Variants in TTN observed in about 807,000 individuals in gnomAD.
TTN encodes titin, also known as connectin.
A neutral mutation model predicts 3,223.0 loss-of-function variants in TTN; 1,525 were observed. That is an observed-to-expected ratio of 0.47 (90% confidence interval 0.45 to 0.49). The LOEUF (loss-of-function observed/expected upper bound fraction) is 0.49. Among genes scored for constraint, TTN ranks in the 20% least tolerant of loss-of-function variants. The pLI is 0.00. For missense variants in TTN, 40,786 were observed against 43,424.0 expected (o/e 0.94, Z 5.40); for synonymous variants, 14,094 against 15,161.0 (o/e 0.93, Z 5.17).
Position 178,769,696 on chromosome 2 carries a change from G to T in TTN, c.8885C>A (p.Ala2962Asp), listed in dbSNP as rs1234280033. 6.2e-7 allele frequency: 1 copy of T among 1,613,080 alleles called. No individual in the cohort carries two copies. The highest frequency in any genetic ancestry group is 1.7e-5 in the Admixed American group (1 of 59,952). Residue 2962 changes from alanine (A) to aspartate (D), a missense_variant, in exon 37 of 363, where the codon GCC becomes GAC. By Grantham distance (126) the Ala-to-Asp change is moderately radical. Coordinates refer to ENST00000589042, the MANE Select transcript of TTN (RefSeq NM_001267550.2). Reference sequence around the variant, plus strand: ...TAACTTACGGGTGACTGTCAGGGTGGCACTGACTTGGTCATTGCCACAGAC... The same window carrying T: ...TAACTTACGGGTGACTGTCAGGGTGTCACTGACTTGGTCATTGCCACAGAC... ...TFVCGNDQVS[A>D]TLTVTPIMIT... is the part of the protein sequence containing the mutation.
In TTN at chr2:178,633,663, G is replaced by A. The variant is rs759796036; in HGVS notation, c.42696C>T (p.Tyr14232=). ...AQLKVLEADP[Y]FTVKLHDKTA... is the part of the protein sequence containing the mutation. ...TTTTGTCATGTAATTTCACAGTGAA[G>A]TAGGGATCGGCCTCTGTAAAAGACA... is the stretch of plus-strand genomic sequence containing the variant. Residue 14232 remains tyrosine (Y), a synonymous_variant, in exon 232 of 363, where the codon TAC becomes TAT. Coordinates refer to ENST00000589042, the MANE Select transcript of TTN (RefSeq NM_001267550.2). 1.2e-6 allele frequency: 2 copies of A among 1,612,746 alleles called. No homozygotes were observed. Among genetic ancestry groups the A allele is most frequent in the Non-Finnish European group, 1.7e-6 (2 of 1,179,366 alleles).
At chr2:178,758,621 G>A (rs965897835) in intron 44 of TTN, 2 of 310,550 alleles carry the variant, frequency 6.4e-6, no homozygotes, top group Non-Finnish European at 1.2e-5. Context: ...ACTCTTAGAT[G>A]TTTTTAAAAT....
intron 247 of TTN, 24 bp downstream of exon 247, chr2:178,620,691 T>C: frequency 2.5e-6 from 4 of 1,608,704 alleles, no homozygotes; most frequent in Non-Finnish European, 3.4e-6. Flanking sequence ...TGAAAAAATC[T>C]CTAGTGGTAT....
Position 178,605,154 on chromosome 2 carries a change from T to C in TTN, c.54023A>G (p.Glu18008Gly). ...TATCTGAAGTGCATCAGTGGGTTTT[T>C]CAATTACAGTTTCATTTTTGGACCA... ...IEWSKNETVI[E>G]KPTDALQITK... The change falls in exon 280 of 363, where the codon GAA (glutamate) becomes GGA (glycine). Residue 18008 changes from glutamate (E) to glycine (G), a missense_variant. Transcript: ENST00000589042. The C allele has an allele frequency of 6.2e-7, 1 of 1,612,588 alleles. No homozygotes were observed. Among genetic ancestry groups the C allele is most frequent in the East Asian group, 2.2e-5 (1 of 44,616 alleles).
At position 178,649,778 on chromosome 2, in the gene TTN, G is replaced by C. The variant is rs1576925327; in HGVS notation, c.39895+39C>G. 7 of 1,594,796 alleles carry C rather than the reference G, an allele frequency of 4.4e-6. No homozygotes were observed. In the East Asian group the frequency reaches 1.1e-4, roughly 25 times the overall value. The stretch of plus-strand genomic sequence containing the variant: ...ACAATAAGAAGAGTGTAAAATTGTA[G>C]ACACCACAAAAATGAAGTATTCATT... On this transcript the variant is annotated intron_variant, in intron 211 of 362. Coordinates refer to ENST00000589042, the MANE Select transcript of TTN (RefSeq NM_001267550.2).
At position 178,548,958 on chromosome 2, in the gene TTN, C is replaced by T; in HGVS notation, c.92668G>A (p.Glu30890Lys). The T allele has an allele frequency of 6.2e-7, 1 of 1,613,930 alleles. No individual in the cohort carries two copies. Among genetic ancestry groups the T allele is most frequent in the Non-Finnish European group, 8.5e-7 (1 of 1,179,836 alleles). Reference sequence around the variant, plus strand: ...GCACTAACTCGGAATTTGTATTCTTCACCTGCTTGTAGATCAGTGACTGTA... The same window carrying T: ...GCACTAACTCGGAATTTGTATTCTTTACCTGCTTGTAGATCAGTGACTGTA... ...RYTVTDLQAG[E>K]EYKFRVSAIN... The change falls in exon 339 of 363, where the codon GAA becomes AAA. Residue 30890 changes from glutamate to lysine, a missense_variant. By Grantham distance (56) the Glu-to-Lys change is moderately conservative. Coordinates refer to ENST00000589042, the MANE Select transcript of TTN (RefSeq NM_001267550.2). This position sits in a 1 kb window ranked among gnomAD's most constrained non-coding sequence, Gnocchi z 4.3.
In TTN at chr2:178,617,114, A is replaced by G. The variant is rs780524253; in HGVS notation, c.47875+6T>C. ...TCCCCGATCTAAAAATAAAATATCT[A>G]TTTACCAAATGCATCGTCAGCGGTG... On this transcript the variant is annotated splice_donor_region_variant and intron_variant, in intron 255 of 362. Transcript: ENST00000589042. The G allele has an allele frequency of 3.7e-6, 6 of 1,610,148 alleles. No homozygotes were observed. Among genetic ancestry groups the G allele is most frequent in the Admixed American group, 3.4e-5 (2 of 59,638 alleles).
At position 178,749,045 on chromosome 2, in the gene TTN, G is replaced by A. The variant is rs374519454; in HGVS notation, c.11311+4079C>T. On this transcript the variant is annotated intron_variant, in intron 47 of 362. Transcript: ENST00000589042. ...AATTCTATGCTTCACCTTTTTCCCC[G>A]GGTAGTGTATCTCTTCACCAAGGGA... 124 of 1,612,248 alleles carry A rather than the reference G, an allele frequency of 7.7e-5. No individual in the cohort carries two copies. Among genetic ancestry groups the A allele is most frequent in the Non-Finnish European group, 1.0e-4 (120 of 1,179,286 alleles).
rs1553498268 is a variant in TTN at position 178,535,050 on chromosome 2, A to C, written c.101565T>G (p.Thr33855=). The change falls in exon 358 of 363, where the codon ACT becomes ACG. Residue 33855 remains threonine (T), a synonymous_variant. Coordinates refer to ENST00000589042, the MANE Select transcript of TTN (RefSeq NM_001267550.2). Reference sequence around the variant, plus strand: ...TTTCCTTCTTTACCAAAACCTGATCAGTCCCTTTGACTTTAACAAATTTGG... The same window carrying C: ...TTTCCTTCTTTACCAAAACCTGATCCGTCCCTTTGACTTTAACAAATTTGG... ...YMAKFVKVKG[T]DQVLVKKEIS... 1 of 1,613,924 alleles carries C rather than the reference A, an allele frequency of 6.2e-7. No individual in the cohort carries two copies. Among genetic ancestry groups the C allele is most frequent in the Middle Eastern group, 1.6e-4 (1 of 6,062 alleles).
Position 178,567,836 on chromosome 2 carries a change from A to G in TTN, c.78296T>C (p.Met26099Thr). 5.0e-6 allele frequency: 8 copies of G among 1,613,490 alleles called. No homozygotes were observed. The highest frequency in any genetic ancestry group is 5.9e-6 in the Non-Finnish European group (7 of 1,179,596). ...CDPPGTPEPI[M>T]VKRNEITLQW... is the part of the protein sequence containing the mutation. ...TAAAGTGATTTCATTTCTTTTAACC[A>G]TTATTGGTTCTGGGGTTCCTGGTGG... Residue 26099 changes from methionine (M) to threonine (T), a missense_variant, in exon 326 of 363, where the codon ATG becomes ACG. Transcript: ENST00000589042.
chr2:178,636,782 G>C lies in TTN; in HGVS notation c.40945C>G (p.Pro13649Ala), dbSNP rs1162335496. ...CTCCTTTCGGCTTCTATTGGTGAAG[G>C]AGTCTTTTTGGGTACACCTAATTCA... Reference protein sequence around the residue: ...GPIKGVPKKTPSPIEAERRKL... With the variant: ...GPIKGVPKKTASPIEAERRKL... The change falls in exon 225 of 363, where the codon CCT (proline) becomes GCT (alanine). Residue 13649 changes from proline (P) to alanine (A), a missense_variant. Physicochemically the swap from Pro to Ala is conservative, Grantham distance 27. Transcript: ENST00000589042. The surrounding 1 kb of genome is among the most constrained non-coding windows in gnomAD (Gnocchi z 4.3). 1 of 1,597,182 alleles carries C rather than the reference G, an allele frequency of 6.3e-7. No individual in the cohort carries two copies.
At position 178,530,788 on chromosome 2, in the gene TTN, T is replaced by TAG; in HGVS notation, c.105826_105827insCT (p.Lys35276ThrfsTer18). ...GGCAGAGACTGGGAGGTGCTGAACT[T>TAG]TCTCTGTTGGTGTTGGTTTTGTCTC... On this transcript the variant is annotated frameshift_variant, in exon 358 of 363. Transcript: ENST00000589042. LOFTEE classifies it high-confidence loss of function. 1 of 1,613,864 alleles carries TAG rather than the reference T, an allele frequency of 6.2e-7. No individual in the cohort carries two copies. The highest frequency in any genetic ancestry group is 8.5e-7 in the Non-Finnish European group (1 of 1,179,856).
At position 178,757,844 on chromosome 2, in the gene TTN, T is replaced by C. The variant is rs758126076; in HGVS notation, c.10376A>G (p.Glu3459Gly). The change falls in exon 45 of 363, where the codon GAG becomes GGG. Residue 3459 changes from glutamate (E) to glycine (G), a missense_variant. Transcript: ENST00000589042. The part of the protein sequence containing the change: ...HVSLSVSFKK[E>G]PLGQKPSFIQ... ...GAAGCTGGGCTTTTGGCCAAGGGGC[T>C]CCTTCTTAAATGAAACTGATAAAGA... is the stretch of plus-strand genomic sequence containing the variant. 1 of 1,589,874 alleles carries C rather than the reference T, an allele frequency of 6.3e-7. No homozygotes were observed. The highest frequency in any genetic ancestry group is 8.6e-7 in the Non-Finnish European group (1 of 1,168,392).
Position 178,562,991 on chromosome 2 carries a change from C to T in TTN, c.83141G>A (p.Gly27714Asp). 1.2e-6 allele frequency: 2 copies of T among 1,613,644 alleles called. No homozygotes were observed. The highest frequency in any genetic ancestry group is 2.2e-5 in the South Asian group (2 of 91,072). The change falls in exon 326 of 363, where the codon GGC becomes GAC. Residue 27714 changes from glycine to aspartate, a missense_variant. Coordinates refer to ENST00000589042, the MANE Select transcript of TTN (RefSeq NM_001267550.2). ...EPEVKWEKAEGILTDRAQIEV... is the reference protein window; with the variant it reads ...EPEVKWEKAEDILTDRAQIEV... ...TATCTGAGCCCTGTCAGTGAGAATG[C>T]CTTCTGCCTTTTCCCATTTAACTTC...
chr2:178,691,990 T>A, intron 121 of TTN, 26 bp downstream of exon 121: 2 of 1,593,258 alleles, frequency 1.3e-6, no homozygotes, highest in Non-Finnish European at 1.7e-6. Flanking sequence ...GAGCAAAGAG[T>A]CTCCCCATCA....
chr2:178,720,044 A>G lies in TTN; in HGVS notation c.23598T>C (p.Tyr7866=). The G allele has an allele frequency of 1.2e-6, 2 of 1,613,536 alleles. No homozygotes were observed. The highest frequency in any genetic ancestry group is 2.2e-5 in the East Asian group (1 of 44,842). ...CAGCATCGTTTTTGATTTGGCATAT[A>G]TATTTTCCAGAATTAGATGCTTCTG... The part of the protein sequence containing the change: ...GSPEASNSGK[Y]ICQIKNDAGM... Residue 7866 remains tyrosine (Y), a synonymous_variant, in exon 81 of 363, where the codon TAT becomes TAC. Coordinates refer to ENST00000589042, the MANE Select transcript of TTN (RefSeq NM_001267550.2).
intron 133 of TTN, 95 bp from the exon 134 acceptor site, chr2:178,683,386 C>A: frequency 1.5e-6 from 1 of 683,620 alleles, no homozygotes; most frequent in Non-Finnish European, 2.4e-6. Flanking sequence ...ACAAAGACAA[C>A]CATAACAGTG....
intron 38 of TTN, 77 bp from the exon 39 acceptor site, chr2:178,768,232 C>A (rs72647892): frequency 1.3e-4 from 190 of 1,480,736 alleles, no homozygotes; most frequent in Non-Finnish European, 1.6e-4. Flanking sequence ...TACAATCCAC[C>A]AATTTAAAGT....
rs1451672081 is a variant in TTN, at chr2:178,722,785, A to G, written c.22114T>C (p.Tyr7372His). The G allele has an allele frequency of 1.2e-6, 2 of 1,613,248 alleles. No individual in the cohort carries two copies. The highest frequency in any genetic ancestry group is 1.3e-5 in the African/African-American group (1 of 74,884). Residue 7372 changes from tyrosine (Y) to histidine (H), a missense_variant, in exon 76 of 363, where the codon TAC becomes CAC. By Grantham distance (83) the Tyr-to-His change is moderately conservative. Coordinates refer to ENST00000589042, the MANE Select transcript of TTN (RefSeq NM_001267550.2). ...AGTGTGGCCACATTGTTTGTAAAGTAGGTCCTGTATTCAGGAGTTGGCCGT... is the reference window on the plus strand; with the variant it reads ...AGTGTGGCCACATTGTTTGTAAAGTGGGTCCTGTATTCAGGAGTTGGCCGT... ...KLRPTPEYRT[Y>H]FTNNVATLVF...
Sources: allele counts gnomAD v4.1 joint callset, GRCh38; gene constraint gnomAD v4.1.1; non-coding constraint Gnocchi (gnomAD v3.1); transcripts MANE v1.5; gene names NCBI Gene and HGNC (gene_info 2026-07-23, HGNC 2026-07-21).